MTM1: variants seen among roughly 807,000 people sequenced by gnomAD.
The protein encoded by MTM1 is myotubularin.
Under a neutral mutation model 52.1 loss-of-function variants are expected in MTM1, and 9 were observed. The observed-to-expected ratio is 0.17, with a 90% CI of 0.10 to 0.30. The LOEUF (loss-of-function observed/expected upper bound fraction) is 0.30, where lower values mean the gene tolerates loss of function less well. MTM1 is among the 10% of genes least tolerant of loss of function. MTM1 has a pLI of 1.00. For synonymous variants in MTM1, 136 were observed against 163.8 expected (o/e 0.83, Z 1.29); for missense variants, 277 against 470.7 (o/e 0.59, Z 3.81).
At chrX:150,598,785 A>G (rs1557412674) in intron 4 of MTM1, 99 bp downstream of exon 4, 1 of 569,015 alleles carries the variant, frequency 1.8e-6, no homozygotes, top group Admixed American at 3.2e-5. Context: ...GGTCAAATTA[A>G]CATGGGGTAT....
At chrX:150,644,182 CAAA>C (rs1237301382) in intron 8 of MTM1, among the ~76,000 whole-genome samples, 1 of 111,218 alleles carries the variant, frequency 9.0e-6, no homozygotes, top group Non-Finnish European at 1.9e-5. Flanking sequence ...AATAATTTCT[CAAA>C]TAATAAATCT....
intron 6 of MTM1, among the ~76,000 whole-genome samples, chrX:150,625,348 G>A (rs1433956966): frequency 2.7e-5 from 3 of 111,894 alleles, no homozygotes; most frequent in African/African-American, 9.8e-5. Context: ...CCCAGCAGGT[G>A]TAGAGAATAA....
In MTM1 at chrX:150,672,554, G is replaced by A. The variant is rs1216279567; in HGVS notation, c.*959G>A. The A allele has an allele frequency of 8.9e-6, 1 of 111,947 alleles. No individual in the cohort carries two copies. Among genetic ancestry groups the A allele is most frequent in the Non-Finnish European group, 1.9e-5 (1 of 53,253 alleles). 9.2% of individuals were successfully genotyped at this position (111,947 alleles called of 1,213,427 possible). On this transcript the variant is annotated 3_prime_UTR_variant, in exon 15 of 15. Transcript: ENST00000370396. ...TGTTGAGCGTATTCTTGAAAGTATT[G>A]TGTTTATGCATTTCAATTTCAATGG...
chrX:150,645,420 T>C (rs1313379779), intron 8 of MTM1, among the ~76,000 whole-genome samples: 2 of 112,628 alleles, frequency 1.8e-5, no homozygotes, highest in Admixed American at 1.9e-4. Context: ...GTGATATAAC[T>C]ATTTTTAGGT....
At chrX:150,594,727 G>A (rs965445105) in intron 2 of MTM1, among the ~76,000 whole-genome samples, 18 of 112,005 alleles carry the variant, frequency 1.6e-4, no homozygotes, top group African/African-American at 5.5e-4. Flanking sequence ...TATAGCCTAT[G>A]TTAATCCCAT....
At chrX:150,663,272 G>T in intron 13 of MTM1, 161 bp from the exon 14 acceptor site, 1 of 539,014 alleles carries the variant, frequency 1.9e-6, no homozygotes, top group South Asian at 2.8e-5. Flanking sequence ...TGGCTGCCAA[G>T]CACTCACTGG....
chrX:150,617,000 G>C (rs1471212101), intron 5 of MTM1, among the ~76,000 whole-genome samples: 1 of 112,181 alleles, frequency 8.9e-6, no homozygotes, highest in Non-Finnish European at 1.9e-5. Flanking sequence ...GAGGAGACCA[G>C]GTGGAACTTA....
intron 1 of MTM1, among the ~76,000 whole-genome samples, chrX:150,572,146 A>G (rs1158192969): frequency 8.9e-6 from 1 of 111,799 alleles, no homozygotes; most frequent in South Asian, 3.7e-4. Context: ...GGATTCCAGA[A>G]GCTGAGTTCA....
At chrX:150,669,125 C>G (rs2040354798) in intron 14 of MTM1, among the ~76,000 whole-genome samples, 1 of 111,080 alleles carries the variant, frequency 9.0e-6, no homozygotes, top group Non-Finnish European at 1.9e-5. Flanking sequence ...TGAGAACATG[C>G]AGTGTTTGGT....
intron 14 of MTM1, 139 bp downstream of exon 14, chrX:150,663,748 A>AT (rs1453015227): frequency 1.7e-6 from 1 of 579,785 alleles, no homozygotes; most frequent in Non-Finnish European, 2.8e-6. Context: ...CTCAACCTTA[A>AT]TTTAAATTTT....
chrX:150,608,021 G>T (rs1168977226), intron 4 of MTM1, among the ~76,000 whole-genome samples: 3 of 110,634 alleles, frequency 2.7e-5, no homozygotes, highest in Non-Finnish European at 1.9e-5. Context: ...CTAGATGTGA[G>T]TCAGGGGCTG....
chrX:150,601,354 TA>T (rs2039063986), intron 4 of MTM1, among the ~76,000 whole-genome samples: 1 of 112,272 alleles, frequency 8.9e-6, no homozygotes, highest in African/African-American at 3.2e-5. Flanking sequence ...TACAGGAGTC[TA>T]AAAACATAGT....
chrX:150,633,831 AG>A (rs1433507959), intron 6 of MTM1, among the ~76,000 whole-genome samples: 1 of 112,273 alleles, frequency 8.9e-6, no homozygotes, highest in Non-Finnish European at 1.9e-5. Flanking sequence ...CAGGAGTTCA[AG>A]GCCAGCCTGG....
At chrX:150,583,934 A>G (rs1303239129) in intron 1 of MTM1, among the ~76,000 whole-genome samples, 1 of 40,937 alleles carries the variant, frequency 2.4e-5, no homozygotes, top group Non-Finnish European at 4.7e-5. Context: ...ATATTAAATT[A>G]AAATATATAT....
At chrX:150,614,257 CTTAG>C (rs1478799094) in intron 4 of MTM1, among the ~76,000 whole-genome samples, 2 of 112,078 alleles carry the variant, frequency 1.8e-5, no homozygotes, top group Non-Finnish European at 3.8e-5. Flanking sequence ...AAGAAGTTTA[CTTAG>C]TTGGAGTGCA....
Position 150,598,720 on chromosome X carries a change from A to G in MTM1, c.231+34A>G, listed in dbSNP as rs372875073. ...AATATAAGACCATAAAGATGACCCTAACTGTTAAAGATAATGCTAAATTGT... is the reference window on the plus strand; with the variant it reads ...AATATAAGACCATAAAGATGACCCTGACTGTTAAAGATAATGCTAAATTGT... On this transcript the variant is annotated intron_variant, in intron 4 of 14. Transcript: ENST00000370396. 16 of 934,960 alleles carry G rather than the reference A, an allele frequency of 1.7e-5. No individual in the cohort carries two copies. The African/African-American group carries it at 3.1e-4, about 18-fold the overall frequency. The allele number at this position is 934,960 out of a possible 1,213,427, so 77.1% of individuals were successfully genotyped here.
upstream of MTM1, among the ~76,000 whole-genome samples, chrX:150,567,980 G>T (rs1195516835): frequency 1.8e-5 from 2 of 112,048 alleles, no homozygotes; most frequent in Non-Finnish European, 3.8e-5. Context: ...ACAAGTAGAA[G>T]GAATTTTGGA....
chrX:150,564,376 A>T (rs1569565248), upstream of MTM1, among the ~76,000 whole-genome samples: 1 of 110,688 alleles, frequency 9.0e-6, no homozygotes, highest in Non-Finnish European at 1.9e-5. Context: ...TTCTTTTACT[A>T]TTTTTTATTA....
intron 10 of MTM1, among the ~76,000 whole-genome samples, chrX:150,652,159 AT>A (rs1172581245): frequency 3.6e-5 from 4 of 110,888 alleles, no homozygotes; most frequent in African/African-American, 1.3e-4. Flanking sequence ...TACTTCAGGA[AT>A]TTTTTTAAGG....
Sources: allele counts gnomAD v4.1 joint callset (sites outside exome capture counted in the v4.1 genomes callset), GRCh38; gene constraint gnomAD v4.1.1; transcripts MANE v1.5; gene names NCBI Gene and HGNC (gene_info 2026-07-23, HGNC 2026-07-21).